Variants in SLCO6A1 observed in about 807,000 individuals in gnomAD.
The protein encoded by SLCO6A1 is solute carrier organic anion transporter family member 6A1, also known as cancer/testis antigen 48.
Under a neutral mutation model 72.7 loss-of-function variants are expected in SLCO6A1, and 65 were observed. The ratio of observed to expected loss-of-function variants is 0.89; its 90% CI spans 0.73 to 1.10. SLCO6A1 has a LOEUF of 1.10. Among genes scored for constraint, SLCO6A1 ranks in the 50% least tolerant of loss-of-function variants. SLCO6A1 has a pLI of 0.00. For synonymous variants in SLCO6A1, 314 were observed against 298.2 expected (o/e 1.05, Z -0.55); for missense variants, 874 against 872.6 (o/e 1.00, Z -0.02).
In SLCO6A1 at chr5:102,459,785, A is replaced by G; in HGVS notation, c.900-8T>C. 6.4e-7 allele frequency: 1 copy of G among 1,559,808 alleles called. No individual in the cohort carries two copies. The highest frequency in any genetic ancestry group is 8.6e-7 in the Non-Finnish European group (1 of 1,160,070). On this transcript the variant is annotated splice_polypyrimidine_tract_variant and splice_region_variant and intron_variant, in intron 4 of 13. Coordinates refer to ENST00000506729, the MANE Select transcript of SLCO6A1 (RefSeq NM_173488.5). ...CCATTATTGACTGTAGTGCTTTAAT[A>G]AAGAAAAGTGAAAAAAAAAAGCAAC... is the stretch of plus-strand genomic sequence containing the variant.
At position 102,419,981 on chromosome 5, in the gene SLCO6A1, C is replaced by T. The variant is rs764512995; in HGVS notation, c.1317G>A (p.Leu439=). 1 of 1,588,140 alleles carries T rather than the reference C, an allele frequency of 6.3e-7. No homozygotes were observed. The highest frequency in any genetic ancestry group is 1.9e-5 in the Admixed American group (1 of 51,804). The change falls in exon 8 of 14, where the codon CTG becomes CTA. Residue 439 remains leucine (L), a synonymous_variant. Coordinates refer to ENST00000506729, the MANE Select transcript of SLCO6A1 (RefSeq NM_173488.5). ...CTAATGTGGAAACAATGACACCTCC[C>T]AGAAGCTGGCCAAGTGCACCTCCTG... is the stretch of plus-strand genomic sequence containing the variant. ...LIPGGALGQL[L]GGVIVSTLEM... is the part of the protein sequence containing the mutation.
intron 8 of SLCO6A1, among the ~76,000 whole-genome samples, chr5:102,415,992 C>T (rs1484930119): frequency 6.6e-6 from 1 of 152,036 alleles, no homozygotes; most frequent in Non-Finnish European, 1.5e-5. Flanking sequence ...AATGCAAATC[C>T]AAACCATAAC....
At position 102,391,224 on chromosome 5, in the gene SLCO6A1, A is replaced by T; in HGVS notation, c.1815-179T>A. On this transcript the variant is annotated intron_variant, in intron 10 of 13. Coordinates refer to ENST00000506729, the MANE Select transcript of SLCO6A1 (RefSeq NM_173488.5). ...GGACTACAACTCCCCATTTCTCCAT[A>T]TCCTGCCCCTTGCCAGCCATTTCCA... 4 of 575,750 alleles carry T rather than the reference A, an allele frequency of 6.9e-6. No individual in the cohort carries two copies. In the South Asian group the frequency reaches 9.5e-5, roughly 14 times the overall value. 35.7% of individuals were successfully genotyped at this position (575,750 alleles called of 1,614,324 possible).
Position 102,472,401 on chromosome 5 carries a change from A to G in SLCO6A1, c.899+3296T>C, listed in dbSNP as rs1037937474. Among the ~76,000 whole-genome samples, 6 of 152,044 alleles carry G rather than the reference A, an allele frequency of 3.9e-5. No homozygotes were observed. The East Asian group carries it at 9.7e-4, about 24-fold the overall frequency. On this transcript the variant is annotated intron_variant, in intron 4 of 13. Coordinates refer to ENST00000506729, the MANE Select transcript of SLCO6A1 (RefSeq NM_173488.5). ...ACTATTCTTCGTTATCTCAGTTTCT[A>G]CTAGTTCTTCCTTCATATGAACTCA...
At chr5:102,424,234 A>G (rs1748765853) in intron 7 of SLCO6A1, among the ~76,000 whole-genome samples, 1 of 152,166 alleles carries the variant, frequency 6.6e-6, no homozygotes. Flanking sequence ...GAGCAAAAAC[A>G]TTCAAAAGCT....
intron 6 of SLCO6A1, 148 bp from the exon 7 acceptor site, chr5:102,438,909 T>C (rs1749695783): frequency 2.3e-6 from 1 of 437,786 alleles, no homozygotes; most frequent in Non-Finnish European, 4.0e-6. Flanking sequence ...GATAGATAGA[T>C]AGATAGATAG....
At chr5:102,449,189 C>G (rs184474759) in intron 6 of SLCO6A1, among the ~76,000 whole-genome samples, 238 of 152,170 alleles carry the variant, frequency 1.6e-3, no homozygotes, top group African/African-American at 5.5e-3. Context: ...AGAATATAGA[C>G]CCCCAATCTC....
intron 4 of SLCO6A1, among the ~76,000 whole-genome samples, chr5:102,466,038 A>G (rs1321460811): frequency 6.6e-6 from 1 of 151,940 alleles, no homozygotes; most frequent in Non-Finnish European, 1.5e-5. Flanking sequence ...TTTTATTTTA[A>G]GTTCATGGGT....
chr5:102,413,277 T>A, intron 8 of SLCO6A1, 134 bp from the exon 9 acceptor site: 1 of 801,402 alleles, frequency 1.2e-6, no homozygotes, highest in Non-Finnish European at 1.9e-6. Flanking sequence ...TACTGAGGTC[T>A]GAGGTACAAT....
chr5:102,422,482 A>G (rs1748661321), intron 7 of SLCO6A1, among the ~76,000 whole-genome samples: 1 of 152,214 alleles, frequency 6.6e-6, no homozygotes, highest in Non-Finnish European at 1.5e-5. Context: ...AAGCATACAC[A>G]AGGAACAATA....
At chr5:102,468,060 CTTAA>C (rs1156319306) in intron 4 of SLCO6A1, among the ~76,000 whole-genome samples, 1 of 151,968 alleles carries the variant, frequency 6.6e-6, no homozygotes, top group Non-Finnish European at 1.5e-5. Flanking sequence ...CAAAGAAATG[CTTAA>C]TTTCCATACT....
chr5:102,480,174 T>C lies in SLCO6A1; in HGVS notation c.616+3A>G, dbSNP rs1378202825. The C allele has an allele frequency of 6.2e-7, 1 of 1,601,548 alleles. No individual in the cohort carries two copies. The highest frequency in any genetic ancestry group is 8.5e-7 in the Non-Finnish European group (1 of 1,174,048). ...TGTATGACAGTATATTTTAAAACCT[T>C]ACCTTCAATTCCTACCTTACTTTGT... is the stretch of plus-strand genomic sequence containing the variant. On this transcript the variant is annotated splice_donor_region_variant and intron_variant, in intron 2 of 13. Coordinates refer to ENST00000506729, the MANE Select transcript of SLCO6A1 (RefSeq NM_173488.5).
chr5:102,478,853 T>C (rs531076058), intron 2 of SLCO6A1, among the ~76,000 whole-genome samples: 2 of 152,328 alleles, frequency 1.3e-5, no homozygotes, highest in Non-Finnish European at 2.9e-5. Flanking sequence ...TTAGTATCCA[T>C]GTGAAATGAT....
At chr5:102,474,096 T>G (rs911489868) in intron 4 of SLCO6A1, among the ~76,000 whole-genome samples, 7 of 151,600 alleles carry the variant, frequency 4.6e-5, no homozygotes, top group African/African-American at 1.7e-4. Context: ...TCATGTGGAA[T>G]CAGAAAAGAC....
chr5:102,469,224 T>C (rs1414660864), intron 4 of SLCO6A1, among the ~76,000 whole-genome samples: 1 of 152,160 alleles, frequency 6.6e-6, no homozygotes, highest in Non-Finnish European at 1.5e-5. Flanking sequence ...TTGATGGGGA[T>C]GGCATTGAAC....
intron 9 of SLCO6A1, among the ~76,000 whole-genome samples, chr5:102,404,182 T>C (rs1309414082): frequency 6.6e-6 from 1 of 152,198 alleles, no homozygotes; most frequent in Non-Finnish European, 1.5e-5. Context: ...TTGTTTGATA[T>C]GTATTCTCAA....
At chr5:102,374,866 G>A (rs915212194) in intron 12 of SLCO6A1, among the ~76,000 whole-genome samples, 2 of 152,096 alleles carry the variant, frequency 1.3e-5, no homozygotes, top group African/African-American at 4.8e-5. Flanking sequence ...ATTGCAGCAG[G>A]CAAATTATCT....
At chr5:102,425,253 T>C (rs1053687394) in intron 7 of SLCO6A1, among the ~76,000 whole-genome samples, 8 of 152,168 alleles carry the variant, frequency 5.3e-5, no homozygotes, top group African/African-American at 1.9e-4. Flanking sequence ...CAACATAGTA[T>C]TGGAAATTCT....
intron 6 of SLCO6A1, among the ~76,000 whole-genome samples, chr5:102,453,192 C>T (rs924922300): frequency 6.6e-6 from 1 of 151,922 alleles, no homozygotes; most frequent in Non-Finnish European, 1.5e-5. Context: ...TGAGATTTCT[C>T]TACATAAAAT....
Sources: allele counts gnomAD v4.1 joint callset (sites outside exome capture counted in the v4.1 genomes callset), GRCh38; gene constraint gnomAD v4.1.1; transcripts MANE v1.5; gene names NCBI Gene and HGNC (gene_info 2026-07-23, HGNC 2026-07-21).